The following SPMIP8 variants were observed in gnomAD, a reference collection of about 807,000 sequenced individuals.
SPMIP8 encodes the protein sperm microtubule inner protein 8, also known as testicular tissue protein Li 196.
the SPMIP8 span, among the ~76,000 whole-genome samples, chr16:57,981,744 G>A: frequency 6.6e-6 from 1 of 151,898 alleles, no homozygotes; most frequent in Non-Finnish European, 1.5e-5. Flanking sequence ...TCAAAATCCT[G>A]ACCTCAAGTG....
chr16:57,986,251 A>C, the SPMIP8 span: 1 of 330,318 alleles, frequency 3.0e-6, no homozygotes, highest in Non-Finnish European at 5.5e-6. Context: ...AAGAAACACA[A>C]GGGAGAGAGC....
chr16:57,987,687 T>A, the SPMIP8 span: 1 of 400,326 alleles, frequency 2.5e-6, no homozygotes, highest in Non-Finnish European at 4.4e-6. Flanking sequence ...GGTGGGGGGT[T>A]GGAGAAAAAT....
the SPMIP8 span, chr16:57,977,808 C>T: frequency 3.1e-6 from 5 of 1,609,238 alleles, no homozygotes; most frequent in Non-Finnish European, 4.2e-6. Flanking sequence ...AACCCTCTGC[C>T]CCCCAGCTAT....
the SPMIP8 span, chr16:57,976,615 A>G: frequency 6.2e-7 from 1 of 1,613,892 alleles, no homozygotes; most frequent in African/African-American, 1.3e-5. Flanking sequence ...TGGGCCCTAC[A>G]GATAAGGTAG....
the SPMIP8 span, chr16:57,985,853 G>C: frequency 6.4e-7 from 1 of 1,569,644 alleles, no homozygotes. Context: ...CGAGTGAGGC[G>C]CCCAGAGAGG....
At chr16:57,983,897 G>A in the SPMIP8 span, among the ~76,000 whole-genome samples, 3 of 152,050 alleles carry the variant, frequency 2.0e-5, no homozygotes, top group African/African-American at 7.2e-5. Flanking sequence ...ACAAGTGTGA[G>A]CTACCGTGCC....
At chr16:57,980,530 A>G in the SPMIP8 span, among the ~76,000 whole-genome samples, 2 of 152,218 alleles carry the variant, frequency 1.3e-5, no homozygotes, top group Admixed American at 6.5e-5. Context: ...AATCAAAGGC[A>G]TAGCTGTGGC....
the SPMIP8 span, chr16:57,984,645 G>T: frequency 7.6e-6 from 12 of 1,583,632 alleles, no homozygotes; most frequent in African/African-American, 2.7e-5. Flanking sequence ...GGACATCACC[G>T]CCACAGGCCA....
At chr16:57,977,337 G>A in the SPMIP8 span, among the ~76,000 whole-genome samples, 1 of 143,934 alleles carries the variant, frequency 6.9e-6, no homozygotes. Flanking sequence ...TTGAACCCAG[G>A]AGACAGAGGT....
At chr16:57,983,702 C>T in the SPMIP8 span, among the ~76,000 whole-genome samples, 2 of 152,152 alleles carry the variant, frequency 1.3e-5, no homozygotes, top group African/African-American at 4.8e-5. Flanking sequence ...ACCTCCACCT[C>T]CTGGATTCCA....
chr16:57,984,036 C>T, the SPMIP8 span, among the ~76,000 whole-genome samples: 3 of 151,928 alleles, frequency 2.0e-5, no homozygotes, highest in Non-Finnish European at 2.9e-5. Flanking sequence ...CCCGAGTACC[C>T]GGGATTACAG....
chr16:57,984,586 A>T, the SPMIP8 span: 1 of 1,507,904 alleles, frequency 6.6e-7, no homozygotes, highest in Non-Finnish European at 8.9e-7. Flanking sequence ...TGGCTTCCCT[A>T]GGCTCCTGCG....
At chr16:57,984,900 G>T in the SPMIP8 span, 1 of 1,455,232 alleles carries the variant, frequency 6.9e-7, no homozygotes, top group Non-Finnish European at 9.1e-7. Flanking sequence ...AACGCAGGCG[G>T]CGGGCCAGGC....
chr16:57,978,418 T>C, the SPMIP8 span, among the ~76,000 whole-genome samples: 1 of 151,784 alleles, frequency 6.6e-6, no homozygotes, highest in Admixed American at 6.6e-5. Context: ...CAGGCACCTG[T>C]AATCCCAGCT....
chr16:57,984,506 G>C, the SPMIP8 span: 3 of 1,508,894 alleles, frequency 2.0e-6, no homozygotes, highest in Non-Finnish European at 2.7e-6. Flanking sequence ...CCGGGTTCAC[G>C]ACTTCGGGCG....
the SPMIP8 span, chr16:57,985,891 C>T: frequency 1.2e-6 from 2 of 1,609,404 alleles, no homozygotes; most frequent in South Asian, 1.1e-5. Context: ...CGTGCTCACC[C>T]GCCCCGTTCT....
At chr16:57,985,222 C>A in the SPMIP8 span, 2 of 1,546,340 alleles carry the variant, frequency 1.3e-6, no homozygotes, top group Non-Finnish European at 1.7e-6. Context: ...GTCTCAGCGG[C>A]TACGCGGTGC....
chr16:57,977,751 G>C, the SPMIP8 span: 1 of 1,539,910 alleles, frequency 6.5e-7, no homozygotes. Flanking sequence ...TTGTTTTCAT[G>C]CAGAGAAGGG....
the SPMIP8 span, chr16:57,987,200 C>A: frequency 2.2e-6 from 1 of 459,712 alleles, no homozygotes; most frequent in Non-Finnish European, 3.7e-6. Flanking sequence ...AAGGATGAGG[C>A]ACAGTCAAAG....
Sources: gnomAD v4.1 joint callset for allele counts (sites outside exome capture counted in the v4.1 genomes callset) on GRCh38, gnomAD v4.1.1 for gene constraint, MANE v1.5 for transcripts, NCBI Gene and HGNC (gene_info 2026-07-23, HGNC 2026-07-21) for gene names.